Variants in ESRRG observed in about 807,000 individuals in gnomAD.
ESRRG encodes the protein estrogen related receptor gamma, also known as estrogen-related receptor gamma.
Under a neutral mutation model 44.0 loss-of-function variants are expected in ESRRG, and 13 were observed. That is an observed-to-expected ratio of 0.30 (90% CI 0.19 to 0.47). The LOEUF is 0.47. Ranked by LOEUF, ESRRG falls within the 20% of genes least tolerant of loss-of-function variation. ESRRG has a pLI of 1.00. For synonymous variants in ESRRG, 215 were observed against 214.6 expected, an observed-to-expected ratio of 1.00 and a Z score of -0.02; for missense variants, 395 against 580.6, an observed-to-expected ratio of 0.68 and a Z score of 3.29.
intron 1 of ESRRG, among the ~76,000 whole-genome samples, chr1:217,007,405 G>C (rs1579396219): frequency 6.6e-6 from 1 of 152,190 alleles, no homozygotes; most frequent in African/African-American, 2.4e-5. Flanking sequence ...GGGAAGGAAA[G>C]AAACACTAAG....
Position 216,723,245 on chromosome 1 carries a change from C to G in ESRRG, c.55G>C (p.Glu19Gln). Residue 19 changes from glutamate to glutamine, a missense_variant and splice_region_variant, in exon 1 of 7, where the codon GAG (glutamate) becomes CAG (glutamine). Coordinates refer to ENST00000408911, the MANE Select transcript of ESRRG (RefSeq NM_001438.4). ...PESFSLHYEE[E>Q]LLCRMSNKDR... is the part of the protein sequence containing the mutation. ...AAAGGAAAGAAAAAAGGTACCTACT[C>G]TTCCTCGTAGTGCAGGGAAAAAGAT... 1 of 1,606,920 alleles carries G rather than the reference C, an allele frequency of 6.2e-7. No individual in the cohort carries two copies. The highest frequency in any genetic ancestry group is 8.5e-7 in the Non-Finnish European group (1 of 1,174,120).
chr1:217,108,367 T>C (rs1486827637), intron 1 of ESRRG, among the ~76,000 whole-genome samples: 8 of 152,220 alleles, frequency 5.3e-5, no homozygotes, highest in Non-Finnish European at 1.2e-4. Context: ...CAATTCTGCT[T>C]TGCTGCATAC....
chr1:216,513,750 C>T (rs564205248), intron 6 of ESRRG, among the ~76,000 whole-genome samples: 1 of 152,188 alleles, frequency 6.6e-6, no homozygotes, highest in East Asian at 1.9e-4. Flanking sequence ...TCTATAATTA[C>T]TTAAGGCCTT....
At chr1:216,697,784 T>C (rs2080478867) in intron 1 of ESRRG, among the ~76,000 whole-genome samples, 1 of 152,240 alleles carries the variant, frequency 6.6e-6, no homozygotes, top group Non-Finnish European at 1.5e-5. Context: ...CTTCTAAAAC[T>C]GCTTAGCTAC....
At chr1:216,979,071 T>G (rs950036970) in intron 1 of ESRRG, among the ~76,000 whole-genome samples, 1 of 152,158 alleles carries the variant, frequency 6.6e-6, no homozygotes, top group Non-Finnish European at 1.5e-5. Flanking sequence ...TTTTTGCCTT[T>G]TTATTTGGAA....
At chr1:216,850,635 G>A (rs1314771566) in intron 2 of ESRRG, among the ~76,000 whole-genome samples, 1 of 151,986 alleles carries the variant, frequency 6.6e-6, no homozygotes. Flanking sequence ...AATTCTTGAT[G>A]ACATTTAAAT....
At chr1:216,546,610 T>C (rs1471469815) in intron 5 of ESRRG, among the ~76,000 whole-genome samples, 1 of 151,920 alleles carries the variant, frequency 6.6e-6, no homozygotes, top group Non-Finnish European at 1.5e-5. Context: ...GCAATAATGA[T>C]CAAATCGACA....
intron 5 of ESRRG, among the ~76,000 whole-genome samples, chr1:216,545,853 G>A (rs1357555798): frequency 1.3e-5 from 2 of 152,102 alleles, no homozygotes; most frequent in South Asian, 2.1e-4. Context: ...AAGATAAAAT[G>A]TACTGCTCGG....
At position 216,822,174 on chromosome 1, in the gene ESRRG, T is replaced by G. The variant is rs1011652688; in HGVS notation, c.-14+117408A>C. Among the ~76,000 whole-genome samples the G allele has an allele frequency of 2.6e-5, 4 of 152,228 alleles. No individual in the cohort carries two copies. In the East Asian group the frequency reaches 7.7e-4, roughly 29 times the overall value. On this transcript the variant is annotated intron_variant, in intron 2 of 7. Transcript: ENST00000359162. Reference sequence around the variant, plus strand: ...TAATTTGATGGTGAATTTCAACCTCTGCATAGAAATGTACTGTGCCCAGCC... The same window carrying G: ...TAATTTGATGGTGAATTTCAACCTCGGCATAGAAATGTACTGTGCCCAGCC...
At chr1:216,923,919 A>G (rs1421847482) in intron 2 of ESRRG, among the ~76,000 whole-genome samples, 1 of 152,190 alleles carries the variant, frequency 6.6e-6, no homozygotes, top group Non-Finnish European at 1.5e-5. Flanking sequence ...GCCATAATTA[A>G]TGAATGTATC....
At chr1:216,544,954 A>T (rs935711039) in intron 5 of ESRRG, among the ~76,000 whole-genome samples, 11 of 152,150 alleles carry the variant, frequency 7.2e-5, no homozygotes, top group African/African-American at 2.6e-4. Flanking sequence ...AAATGACAAT[A>T]AGAATTGAAT....
intron 1 of ESRRG, among the ~76,000 whole-genome samples, chr1:217,109,020 C>T (rs2092631616): frequency 6.6e-6 from 1 of 152,024 alleles, no homozygotes; most frequent in South Asian, 2.1e-4. Flanking sequence ...CAACAGATCG[C>T]ATGGGCACAT....
At chr1:216,860,940 G>A (rs893416329) in intron 2 of ESRRG, among the ~76,000 whole-genome samples, 2 of 152,198 alleles carry the variant, frequency 1.3e-5, no homozygotes, top group Non-Finnish European at 2.9e-5. Flanking sequence ...AGAGCAAAAC[G>A]TGAAAAGAAT....
At chr1:216,609,484 C>T (rs1181363348) in intron 3 of ESRRG, among the ~76,000 whole-genome samples, 2 of 152,158 alleles carry the variant, frequency 1.3e-5, no homozygotes, top group Non-Finnish European at 2.9e-5. Flanking sequence ...GCCCTGAACC[C>T]CAGGTGAGTA....
chr1:216,915,283 C>T (rs2061008827), intron 2 of ESRRG, among the ~76,000 whole-genome samples: 1 of 152,184 alleles, frequency 6.6e-6, no homozygotes, highest in Non-Finnish European at 1.5e-5. Flanking sequence ...GTCACCACTG[C>T]TCTGCATCTG....
chr1:217,135,604 G>C (rs1482908843), intron 1 of ESRRG, among the ~76,000 whole-genome samples: 1 of 152,012 alleles, frequency 6.6e-6, no homozygotes, highest in Non-Finnish European at 1.5e-5. Flanking sequence ...TCGCCCGCGC[G>C]CGCGAAGCGG....
intron 2 of ESRRG, among the ~76,000 whole-genome samples, chr1:216,786,849 C>T (rs1282563171): frequency 3.3e-5 from 5 of 152,126 alleles, no homozygotes; most frequent in African/African-American, 9.7e-5. Context: ...CTCCACTTTG[C>T]ACATTTAGGA....
chr1:216,833,471 TA>T (rs1171838921), intron 2 of ESRRG, among the ~76,000 whole-genome samples: 11 of 152,192 alleles, frequency 7.2e-5, no homozygotes, highest in Admixed American at 6.5e-4. Context: ...TTGTAGGCTT[TA>T]TGGTATGTTG....
intron 4 of ESRRG, among the ~76,000 whole-genome samples, chr1:216,567,121 T>C (rs2059812893): frequency 6.6e-6 from 1 of 152,208 alleles, no homozygotes; most frequent in African/African-American, 2.4e-5. Flanking sequence ...GTGCTGGTTG[T>C]GTCTTCTTAG....
Sources: allele counts gnomAD v4.1 joint callset (sites outside exome capture counted in the v4.1 genomes callset), GRCh38; gene constraint gnomAD v4.1.1; transcripts MANE v1.5; gene names NCBI Gene and HGNC (gene_info 2026-07-23, HGNC 2026-07-21).